KIAA1958: variants seen among roughly 807,000 people sequenced by gnomAD.
The protein encoded by KIAA1958 is uncharacterized protein KIAA1958.
In KIAA1958, 14 loss-of-function variants were observed where a neutral mutation model predicts 47.2. That is an observed-to-expected ratio of 0.30 (90% CI 0.20 to 0.46). The LOEUF (loss-of-function observed/expected upper bound fraction) is 0.46. KIAA1958 is among the 20% of genes least tolerant of loss of function. The pLI is 1.00. For synonymous variants in KIAA1958, 354 were observed against 353.3 expected (o/e 1.00, Z -0.02); for missense variants, 803 against 909.2 (o/e 0.88, Z 1.50).
At chr9:112,544,652 A>G (rs1397014298) in intron 1 of KIAA1958, among the ~76,000 whole-genome samples, 4 of 152,316 alleles carry the variant, frequency 2.6e-5, no homozygotes, top group African/African-American at 9.6e-5. Flanking sequence ...TCCTGGAGAG[A>G]GTCAAGGTCA....
Position 112,664,617 on chromosome 9 carries a change from T to G in KIAA1958, c.*4548T>G, listed in dbSNP as rs1564207736. On this transcript the variant is annotated 3_prime_UTR_variant, in exon 4 of 4. Coordinates refer to ENST00000337530, the MANE Select transcript of KIAA1958 (RefSeq NM_133465.4). ...TATATATTTTTGAATGCTTTTGTTT[T>G]TGGAGTGAATTTTTAATACTCTGTG... 1 of 152,254 alleles carries G rather than the reference T, an allele frequency of 6.6e-6. No individual in the cohort carries two copies. Among genetic ancestry groups the G allele is most frequent in the Non-Finnish European group, 1.5e-5 (1 of 68,044 alleles). The allele number at this position is 152,254 out of a possible 1,614,324, so 9.4% of individuals were successfully genotyped here.
chr9:112,492,282 C>G (rs1225125554), intron 1 of KIAA1958, among the ~76,000 whole-genome samples: 1 of 152,182 alleles, frequency 6.6e-6, no homozygotes, highest in Non-Finnish European at 1.5e-5. Flanking sequence ...GGCTGTCTTC[C>G]TAAGGTGGCT....
At chr9:112,544,743 C>A (rs868107478) in intron 1 of KIAA1958, among the ~76,000 whole-genome samples, 2 of 152,058 alleles carry the variant, frequency 1.3e-5, no homozygotes, top group Non-Finnish European at 2.9e-5. Context: ...TTCAGTATAC[C>A]GGAGACTGCT....
At chr9:112,629,004 CT>C (rs1354835623) in intron 2 of KIAA1958, among the ~76,000 whole-genome samples, 1 of 152,156 alleles carries the variant, frequency 6.6e-6, no homozygotes, top group Non-Finnish European at 1.5e-5. Flanking sequence ...CTATGTATGA[CT>C]TATCTATTAA....
At position 112,661,881 on chromosome 9, in the gene KIAA1958, A is replaced by C. The variant is rs1457736704; in HGVS notation, c.*1812A>C. On this transcript the variant is annotated 3_prime_UTR_variant, in exon 4 of 4. Coordinates refer to ENST00000337530, the MANE Select transcript of KIAA1958 (RefSeq NM_133465.4). Reference sequence around the variant, plus strand: ...AAGAAATACACAAAACATTAGGTACAATTTCCTTTAGTTTGCTAAACACCC... The same window carrying C: ...AAGAAATACACAAAACATTAGGTACCATTTCCTTTAGTTTGCTAAACACCC... 6.6e-6 allele frequency: 1 copy of C among 152,188 alleles called. No individual in the cohort carries two copies. The highest frequency in any genetic ancestry group is 2.4e-5 in the African/African-American group (1 of 41,438). The allele number at this position is 152,188 out of a possible 1,614,324, so 9.4% of individuals were successfully genotyped here.
chr9:112,664,661 A>G lies in KIAA1958; in HGVS notation c.*4592A>G, dbSNP rs1281195291. On this transcript the variant is annotated 3_prime_UTR_variant, in exon 4 of 4. Transcript: ENST00000337530. ...CTCTGTGTTAAAAGAAAAACATTCC[A>G]TCTTGTAGGCAGTGTTCCTCAGTAA... 1 of 152,230 alleles carries G rather than the reference A, an allele frequency of 6.6e-6. No homozygotes were observed. Among genetic ancestry groups the G allele is most frequent in the African/African-American group, 2.4e-5 (1 of 41,470 alleles). 9.4% of individuals were successfully genotyped at this position (152,230 alleles called of 1,614,324 possible).
At chr9:112,538,828 ACTCTT>A (rs1483436092) in intron 1 of KIAA1958, among the ~76,000 whole-genome samples, 1 of 152,118 alleles carries the variant, frequency 6.6e-6, no homozygotes, top group Non-Finnish European at 1.5e-5. Flanking sequence ...TGTGCCAGGC[ACTCTT>A]CTAAGTGTTT....
At position 112,600,447 on chromosome 9, in the gene KIAA1958, G is replaced by A. The variant is rs145134024; in HGVS notation, c.1171+25196G>A. 6.2e-3 allele frequency among the ~76,000 whole-genome samples: 938 copies of A among 152,254 alleles called. 11 individuals are homozygous for A. Among genetic ancestry groups the A allele is most frequent in the African/African-American group, 0.021 (872 of 41,542 alleles). ...ATTGTTGTAATTTAATTTTTAAAAAGTAGCATTCTTAAAGGGGAGCATTCT... is the reference window on the plus strand; with the variant it reads ...ATTGTTGTAATTTAATTTTTAAAAAATAGCATTCTTAAAGGGGAGCATTCT... On this transcript the variant is annotated intron_variant, in intron 2 of 3. Coordinates refer to ENST00000337530, the MANE Select transcript of KIAA1958 (RefSeq NM_133465.4).
At chr9:112,501,302 G>C (rs1359303772) in intron 1 of KIAA1958, among the ~76,000 whole-genome samples, 7 of 151,882 alleles carry the variant, frequency 4.6e-5, no homozygotes, top group Admixed American at 4.6e-4. Flanking sequence ...AATTAATCAG[G>C]CATGATGGCT....
intron 3 of KIAA1958, among the ~76,000 whole-genome samples, chr9:112,648,132 G>T (rs919842994): frequency 6.6e-6 from 1 of 152,146 alleles, no homozygotes; most frequent in African/African-American, 2.4e-5. Context: ...ACAGATGAAA[G>T]ATATAAAACA....
chr9:112,535,180 T>G (rs10113914), intron 1 of KIAA1958, among the ~76,000 whole-genome samples: 43,955 of 152,108 alleles, frequency 0.29, 6,507 homozygotes, highest in Middle Eastern at 0.4. Flanking sequence ...ACAATAAAGC[T>G]CTTGAACTTA....
chr9:112,610,069 A>G (rs1289780101), intron 2 of KIAA1958, among the ~76,000 whole-genome samples: 1 of 152,182 alleles, frequency 6.6e-6, no homozygotes, highest in Non-Finnish European at 1.5e-5. Context: ...CAAAATTAGG[A>G]AATGAAATGA....
rs1471099312 is a variant in KIAA1958, at chr9:112,660,293, G to A, written c.*224G>A. The A allele has an allele frequency of 2.1e-5, 12 of 564,106 alleles. No individual in the cohort carries two copies. Among genetic ancestry groups the A allele is most frequent in the Admixed American group, 1.5e-4 (5 of 33,296 alleles). 34.9% of individuals were successfully genotyped at this position (564,106 alleles called of 1,614,324 possible). On this transcript the variant is annotated 3_prime_UTR_variant, in exon 4 of 4. Transcript: ENST00000337530. ...GTTTATCCAAATGTGCGTCAACTTCGTTAGCTTTTAGAATCTAACACAATG... is the reference window on the plus strand; with the variant it reads ...GTTTATCCAAATGTGCGTCAACTTCATTAGCTTTTAGAATCTAACACAATG...
intron 1 of KIAA1958, among the ~76,000 whole-genome samples, chr9:112,495,879 C>G (rs1834044579): frequency 6.6e-6 from 1 of 152,188 alleles, no homozygotes; most frequent in Admixed American, 6.5e-5. Flanking sequence ...CGCTTACATA[C>G]TCTGGGGAAT....
intron 1 of KIAA1958, among the ~76,000 whole-genome samples, chr9:112,501,557 T>C (rs965029336): frequency 2.6e-5 from 4 of 152,190 alleles, no homozygotes; most frequent in African/African-American, 9.7e-5. Context: ...AAGTCTTCAA[T>C]TGGTCTTAGA....
At chr9:112,606,235 T>C (rs1342331907) in intron 2 of KIAA1958, among the ~76,000 whole-genome samples, 1 of 152,222 alleles carries the variant, frequency 6.6e-6, no homozygotes. Flanking sequence ...GGACAGATCC[T>C]AAGTTACATC....
chr9:112,506,631 C>A (rs1834239829), intron 1 of KIAA1958, among the ~76,000 whole-genome samples: 2 of 151,570 alleles, frequency 1.3e-5, no homozygotes, highest in African/African-American at 4.8e-5. Flanking sequence ...AAAAATATGG[C>A]CTCTTTTTGC....
intron 1 of KIAA1958, among the ~76,000 whole-genome samples, chr9:112,492,353 C>T (rs981023151): frequency 6.6e-6 from 1 of 152,180 alleles, no homozygotes; most frequent in Non-Finnish European, 1.5e-5. Context: ...ACATCACTTA[C>T]ATTGGATTAG....
In KIAA1958 at chr9:112,659,548, G is replaced by A; in HGVS notation, c.1630G>A (p.Ala544Thr). 6.2e-7 allele frequency: 1 copy of A among 1,613,136 alleles called. No individual in the cohort carries two copies. Among genetic ancestry groups the A allele is most frequent in the Non-Finnish European group, 8.5e-7 (1 of 1,179,556 alleles). Residue 544 changes from alanine to threonine, a missense_variant, in exon 4 of 4, where the codon GCA becomes ACA. Ala to Thr is a moderately conservative substitution (Grantham distance 58). This residue lies in a region of KIAA1958 where 761 missense variants were observed against 829.3 expected (regional missense o/e 0.92). Coordinates refer to ENST00000337530, the MANE Select transcript of KIAA1958 (RefSeq NM_133465.4). ...SLSDEEEMWQ[A>T]GCLGDDSPIT... The stretch of plus-strand genomic sequence containing the variant: ...TTCTGACGAGGAGGAGATGTGGCAG[G>A]CAGGGTGTCTGGGGGATGACAGCCC...
Sources: allele counts gnomAD v4.1 joint callset (sites outside exome capture counted in the v4.1 genomes callset), GRCh38; gene constraint gnomAD v4.1.1; regional missense constraint gnomAD v4.1.1; transcripts MANE v1.5; gene names NCBI Gene and HGNC (gene_info 2026-07-23, HGNC 2026-07-21).